The following SEC63 variants were observed in gnomAD, a reference collection of about 807,000 sequenced individuals.
SEC63 encodes the protein SEC63 protein translocation regulator.
SEC63 carries 56 observed loss-of-function variants against 116.2 expected under a neutral mutation model. The observed-to-expected ratio is 0.48, with a 90% confidence interval of 0.39 to 0.60. The LOEUF (loss-of-function observed/expected upper bound fraction) is 0.60. Ranked by LOEUF, SEC63 falls within the 20% of genes least tolerant of loss-of-function variation. SEC63 has a pLI of 0.00. For synonymous variants in SEC63, 273 were observed against 294.6 expected (o/e 0.93, Z 0.75); for missense variants, 668 against 900.0 (o/e 0.74, Z 3.30).
intron 17 of SEC63, 130 bp from the exon 18 acceptor site, chr6:107,881,380 G>A: frequency 6.0e-6 from 4 of 671,578 alleles, no homozygotes; most frequent in Non-Finnish European, 1.1e-5. Flanking sequence ...TCACAAATCT[G>A]ATCATCTCCC....
At chr6:107,875,794 G>A (rs1786249585) in intron 19 of SEC63, among the ~76,000 whole-genome samples, 2 of 152,164 alleles carry the variant, frequency 1.3e-5, no homozygotes, top group Admixed American at 1.3e-4. Flanking sequence ...CTGACATGCT[G>A]AGAGGTATTA....
At chr6:107,929,211 C>T (rs1347263032) in intron 2 of SEC63, among the ~76,000 whole-genome samples, 1 of 152,192 alleles carries the variant, frequency 6.6e-6, no homozygotes, top group Non-Finnish European at 1.5e-5. Context: ...TACCCCCGAC[C>T]TCCAGCAACA....
At chr6:107,877,692 T>C (rs1786313883) in intron 18 of SEC63, among the ~76,000 whole-genome samples, 1 of 152,204 alleles carries the variant, frequency 6.6e-6, no homozygotes, top group Non-Finnish European at 1.5e-5. Flanking sequence ...TCCTCCCATT[T>C]AGGCCTCCCA....
At chr6:107,943,085 T>C (rs773001441) in intron 1 of SEC63, among the ~76,000 whole-genome samples, 2 of 152,210 alleles carry the variant, frequency 1.3e-5, no homozygotes, top group Non-Finnish European at 2.9e-5. Flanking sequence ...TCTATGGTGA[T>C]ATGGAATTTA....
rs369895256 is a variant in SEC63, at chr6:107,911,416, G to C, written c.574-20C>G. 2.1e-4 allele frequency: 327 copies of C among 1,540,030 alleles called. 1 individual carries two copies. In the Middle Eastern group the frequency reaches 3.2e-3, roughly 15 times the overall value. On this transcript the variant is annotated intron_variant, in intron 6 of 20. Transcript: ENST00000369002. ...TAAAACCTAAAATTGAAGAGAAAAA[G>C]AATTATGGCCTTCGTCAGGTAAATT...
In SEC63 at chr6:107,910,985, A is replaced by C. The variant is rs190024536; in HGVS notation, c.624+361T>G. Among the ~76,000 whole-genome samples the C allele has an allele frequency of 3.9e-5, 6 of 152,294 alleles. No homozygotes were observed. The East Asian group carries it at 1.2e-3, about 29-fold the overall frequency. ...CTCAGCCTCCCAATGTGCTGGGATT[A>C]CAGGAGTGAGCCACCATGCCCGGTC... On this transcript the variant is annotated intron_variant, in intron 7 of 20. Transcript: ENST00000369002.
intron 2 of SEC63, among the ~76,000 whole-genome samples, chr6:107,926,095 G>C (rs1366378816): frequency 6.6e-6 from 1 of 152,204 alleles, no homozygotes; most frequent in Non-Finnish European, 1.5e-5. Context: ...TGGAATTACA[G>C]GGGTGAGCGA....
intron 16 of SEC63, among the ~76,000 whole-genome samples, chr6:107,890,042 A>G (rs571226809): frequency 6.6e-6 from 1 of 152,320 alleles, no homozygotes; most frequent in African/African-American, 2.4e-5. Context: ...TGGTGCTGAG[A>G]AGAATGTGTA....
At chr6:107,955,464 C>A (rs1158358325) in intron 1 of SEC63, among the ~76,000 whole-genome samples, 3 of 152,182 alleles carry the variant, frequency 2.0e-5, no homozygotes, top group African/African-American at 7.2e-5. Context: ...GCCCGGCCAA[C>A]CTCACTGCAT....
rs1372461689 is a variant in SEC63, at chr6:107,883,110, C to G, written c.1711G>C (p.Asp571His). The change falls in exon 17 of 21, where the codon GAT (aspartate) becomes CAT (histidine). Residue 571 changes from aspartate to histidine, a missense_variant. Coordinates refer to ENST00000369002, the MANE Select transcript of SEC63 (RefSeq NM_007214.5). ...TCTTCTTCAGAATCACTGCCCTTAT[C>G]TGAAACTTCTTCTTCATCTTCCTTT... ...AVKEDEEEVSDKGSDSEEEET... is the reference protein window; with the variant it reads ...AVKEDEEEVSHKGSDSEEEET... The G allele has an allele frequency of 1.2e-6, 2 of 1,612,426 alleles. No individual in the cohort carries two copies. The highest frequency in any genetic ancestry group is 1.7e-5 in the Admixed American group (1 of 59,962).
chr6:107,920,886 G>A lies in SEC63; in HGVS notation c.452+911C>T, dbSNP rs548284042. ...ACAGACATATGTGTGTGCATATAAC[G>A]CATATGTGAATATATGTATCTCATA... is the stretch of plus-strand genomic sequence containing the variant. On this transcript the variant is annotated intron_variant, in intron 4 of 20. Transcript: ENST00000369002. 5.3e-5 allele frequency among the ~76,000 whole-genome samples: 8 copies of A among 152,190 alleles called. No individual in the cohort carries two copies. The South Asian group carries it at 1.0e-3, about 20-fold the overall frequency.
At chr6:107,873,513 G>A (rs1232036124) in intron 19 of SEC63, among the ~76,000 whole-genome samples, 2 of 151,912 alleles carry the variant, frequency 1.3e-5, no homozygotes, top group Non-Finnish European at 1.5e-5. Context: ...AGATTTTACA[G>A]TCAAGATTAA....
intron 1 of SEC63, among the ~76,000 whole-genome samples, chr6:107,931,269 G>A (rs1239459405): frequency 1.3e-5 from 2 of 151,400 alleles, no homozygotes; most frequent in Non-Finnish European, 2.9e-5. Flanking sequence ...TTGAACCTGG[G>A]AGGCGAAGGT....
At chr6:107,882,332 C>T (rs1357638659) in intron 17 of SEC63, among the ~76,000 whole-genome samples, 1 of 152,096 alleles carries the variant, frequency 6.6e-6, no homozygotes, top group Non-Finnish European at 1.5e-5. Context: ...AAGAAATGGC[C>T]GAGCAGTTTA....
At chr6:107,904,190 T>A (rs1787083079) in intron 11 of SEC63, among the ~76,000 whole-genome samples, 1 of 149,890 alleles carries the variant, frequency 6.7e-6, no homozygotes, top group Non-Finnish European at 1.5e-5. Context: ...GGCAGGTGGA[T>A]CACGAGGTCA....
At chr6:107,890,356 T>C (rs1786651344) in intron 16 of SEC63, among the ~76,000 whole-genome samples, 2 of 152,248 alleles carry the variant, frequency 1.3e-5, no homozygotes, top group South Asian at 4.1e-4. Context: ...CTTTGTTGGT[T>C]TAAAGTCTGT....
At chr6:107,925,013 A>C in intron 2 of SEC63, 81 bp from the exon 3 acceptor site, 1 of 810,306 alleles carries the variant, frequency 1.2e-6, no homozygotes, top group Non-Finnish European at 2.2e-6. Context: ...GTCAAGGCAA[A>C]AACTCTACAG....
At chr6:107,920,828 G>A (rs532655018) in intron 4 of SEC63, among the ~76,000 whole-genome samples, 2 of 152,102 alleles carry the variant, frequency 1.3e-5, no homozygotes, top group Non-Finnish European at 2.9e-5. Flanking sequence ...TTCCCAAAAG[G>A]GTGCACAAAT....
At chr6:107,910,937 C>T (rs1233649733) in intron 7 of SEC63, among the ~76,000 whole-genome samples, 1 of 152,076 alleles carries the variant, frequency 6.6e-6, no homozygotes, top group Non-Finnish European at 1.5e-5. Context: ...TCTCAAACTC[C>T]TGCCCTAAAT....
Sources: allele counts gnomAD v4.1 joint callset (sites outside exome capture counted in the v4.1 genomes callset), GRCh38; gene constraint gnomAD v4.1.1; transcripts MANE v1.5; gene names NCBI Gene and HGNC (gene_info 2026-07-23, HGNC 2026-07-21).